Variants in DLGAP1 observed in about 807,000 individuals in gnomAD.
DLGAP1 encodes the protein DLG associated protein 1.
A neutral mutation model predicts 90.8 loss-of-function variants in DLGAP1; 11 were observed. The ratio of observed to expected loss-of-function variants is 0.12; its 90% CI spans 0.08 to 0.20. The LOEUF (loss-of-function observed/expected upper bound fraction) is 0.20, where lower values mean the gene tolerates loss of function less well. DLGAP1 is among the 10% of genes least tolerant of loss of function. DLGAP1 has a pLI of 1.00. For synonymous variants in DLGAP1, 558 were observed against 540.7 expected, an observed-to-expected ratio of 1.03 and a Z score of -0.44; for missense variants, 1,050 against 1,333.8, an observed-to-expected ratio of 0.79 and a Z score of 3.31.
intron 5 of DLGAP1, among the ~76,000 whole-genome samples, chr18:3,767,440 A>T (rs2064300146): frequency 6.6e-6 from 1 of 152,100 alleles, no homozygotes; most frequent in African/African-American, 2.4e-5. Context: ...AAAGCAGAAA[A>T]AGACAGTACA....
At chr18:4,241,522 C>T (rs570344023) in intron 1 of DLGAP1, among the ~76,000 whole-genome samples, 4 of 152,086 alleles carry the variant, frequency 2.6e-5, no homozygotes, top group South Asian at 2.1e-4. Context: ...AAAAAATGGT[C>T]GCATATGAAA....
In DLGAP1 at chr18:4,378,637, A is replaced by G. The variant is rs1262315045; in HGVS notation, c.-267+76369T>C. ...TGGGGAGGCACACTACACAATTTGA[A>G]AGCACCTAAGGTGCTCCGTACCTAA... On this transcript the variant is annotated intron_variant, in intron 1 of 12. Transcript: ENST00000315677. The surrounding 1 kb of genome is among the most constrained non-coding windows in gnomAD (Gnocchi z 4.5). Among the ~76,000 whole-genome samples the G allele has an allele frequency of 6.6e-6, 1 of 152,148 alleles. No individual in the cohort carries two copies. Among genetic ancestry groups the G allele is most frequent in the Non-Finnish European group, 1.5e-5 (1 of 68,002 alleles).
intron 1 of DLGAP1, among the ~76,000 whole-genome samples, chr18:4,197,199 A>AAAAAAAAAAAAAAAAAAAAG (rs1555760529): frequency 1.0e-3 from 146 of 144,306 alleles, no homozygotes; most frequent in East Asian, 5.2e-3. Flanking sequence ...AAAAAAAAAA[A>AAAAAAAAAAAAAAAAAAAAG]AAAAAAAAAG....
chr18:4,275,815 T>G (rs1179571538), intron 1 of DLGAP1, among the ~76,000 whole-genome samples: 2 of 152,148 alleles, frequency 1.3e-5, no homozygotes, highest in African/African-American at 4.8e-5. Flanking sequence ...CAATAAAATA[T>G]AAAGTTGAGA....
chr18:3,962,210 T>G (rs991743912), intron 3 of DLGAP1: 6 of 152,228 alleles, frequency 3.9e-5, no homozygotes, highest in African/African-American at 1.4e-4. Context: ...TTTTTTGGAT[T>G]CATTTGCTGA....
chr18:3,904,791 T>G (rs2071859973), intron 3 of DLGAP1, among the ~76,000 whole-genome samples: 1 of 152,182 alleles, frequency 6.6e-6, no homozygotes, highest in African/African-American at 2.4e-5. Context: ...TTTTCACTCC[T>G]TAAGAAACCT....
chr18:3,874,270 T>C (rs1380070111), intron 4 of DLGAP1: 1 of 1,549,680 alleles, frequency 6.5e-7, no homozygotes, highest in East Asian at 2.4e-5. Context: ...GCTTTCCTTC[T>C]CGGTCTGTCT....
intron 1 of DLGAP1, among the ~76,000 whole-genome samples, chr18:4,308,063 C>A: frequency 6.6e-6 from 1 of 152,160 alleles, no homozygotes; most frequent in Non-Finnish European, 1.5e-5. Flanking sequence ...CACCTGTCAT[C>A]CCATCTGAAT....
rs187240291 is a variant in DLGAP1 at position 3,547,117 on chromosome 18, G to C, written c.2058-12502C>G. 4.0e-5 allele frequency among the ~76,000 whole-genome samples: 6 copies of C among 151,704 alleles called. No homozygotes were observed. The South Asian group carries it at 6.2e-4, about 16-fold the overall frequency. Reference sequence around the variant, plus strand: ...GAGATCGAGACCATCCTGGCTAACAGGGTGAAACCCCGTCTCTACTAAAAA... The same window carrying C: ...GAGATCGAGACCATCCTGGCTAACACGGTGAAACCCCGTCTCTACTAAAAA... On this transcript the variant is annotated intron_variant, in intron 9 of 12. Transcript: ENST00000315677.
rs112045560 is a variant in DLGAP1, at chr18:3,579,051, T to A, written c.1965+2824A>T. On this transcript the variant is annotated intron_variant, in intron 8 of 12. Transcript: ENST00000315677. ...CATCCTACTGGGTGAAAATAATAAT[T>A]ATTATTATTATTCTGAAACTGTTTT... is the stretch of plus-strand genomic sequence containing the variant. 1.3e-3 allele frequency among the ~76,000 whole-genome samples: 191 copies of A among 152,086 alleles called. 1 individual carries two copies. Among genetic ancestry groups the A allele is most frequent in the Middle Eastern group, 3.4e-3 (1 of 292 alleles).
intron 1 of DLGAP1, among the ~76,000 whole-genome samples, chr18:4,451,139 C>T (rs906748989): frequency 4.6e-5 from 7 of 152,172 alleles, no homozygotes; most frequent in African/African-American, 1.4e-4. Flanking sequence ...ACTTATACAA[C>T]AGCTATCTGT....
In DLGAP1 at chr18:3,775,827, C is replaced by G. The variant is rs567936794; in HGVS notation, c.1173-33315G>C. 6.6e-6 allele frequency among the ~76,000 whole-genome samples: 1 copy of G among 152,264 alleles called. No individual in the cohort carries two copies. Among genetic ancestry groups the G allele is most frequent in the Admixed American group, 6.5e-5 (1 of 15,304 alleles). On this transcript the variant is annotated intron_variant, in intron 5 of 12. Transcript: ENST00000315677. The surrounding 1 kb of genome is among the most constrained non-coding windows in gnomAD (Gnocchi z 4.9). ...GTGAACATTAGTTATATTCCAGAGG[C>G]TTGCTACCTTCTTTCCCCTTCCCAG...
chr18:3,747,086 T>C (rs1473053212), intron 5 of DLGAP1, among the ~76,000 whole-genome samples: 1 of 152,164 alleles, frequency 6.6e-6, no homozygotes, highest in African/African-American at 2.4e-5. Context: ...CTGGGTGCAG[T>C]GTGGCTCACA....
chr18:4,098,299 G>A (rs1053658233), intron 2 of DLGAP1, among the ~76,000 whole-genome samples: 2 of 152,152 alleles, frequency 1.3e-5, no homozygotes, highest in Non-Finnish European at 2.9e-5. Context: ...GAGAACATGA[G>A]TATTTAAGTT....
chr18:4,300,721 A>G (rs2080104595), intron 1 of DLGAP1, among the ~76,000 whole-genome samples: 1 of 152,026 alleles, frequency 6.6e-6, no homozygotes. Flanking sequence ...ATACACTTTG[A>G]GTTCTCATAT....
chr18:3,906,847 G>T (rs1378233836), intron 3 of DLGAP1, among the ~76,000 whole-genome samples: 1 of 152,162 alleles, frequency 6.6e-6, no homozygotes, highest in Non-Finnish European at 1.5e-5. Context: ...GCAAGAAAGA[G>T]AACTTGGAAC....
At chr18:4,153,713 C>T (rs542937342) in intron 1 of DLGAP1, among the ~76,000 whole-genome samples, 1 of 152,304 alleles carries the variant, frequency 6.6e-6, no homozygotes, top group African/African-American at 2.4e-5. Flanking sequence ...CTGTTTGATT[C>T]AATCATGTGC....
chr18:4,304,737 C>A (rs2080207250), intron 1 of DLGAP1, among the ~76,000 whole-genome samples: 1 of 152,144 alleles, frequency 6.6e-6, no homozygotes, highest in Admixed American at 6.5e-5. Flanking sequence ...TCGAGACCAG[C>A]CTGGCCAACA....
chr18:3,798,125 T>C (rs1340902047), intron 5 of DLGAP1, among the ~76,000 whole-genome samples: 1 of 152,238 alleles, frequency 6.6e-6, no homozygotes, highest in Non-Finnish European at 1.5e-5. Flanking sequence ...GAAAATGGAC[T>C]AATATCCCCA....
Sources: gnomAD v4.1 joint callset for allele counts (sites outside exome capture counted in the v4.1 genomes callset) on GRCh38, gnomAD v4.1.1 for gene constraint, Gnocchi (gnomAD v3.1) non-coding constraint, MANE v1.5 for transcripts, NCBI Gene and HGNC (gene_info 2026-07-23, HGNC 2026-07-21) for gene names.